The following CNTN5 variants were observed in gnomAD, a reference collection of about 807,000 sequenced individuals.
CNTN5 encodes contactin-5.
Under a neutral mutation model 129.1 loss-of-function variants are expected in CNTN5, and 77 were observed. That is an observed-to-expected ratio of 0.60 (90% CI 0.50 to 0.72). CNTN5 has a LOEUF of 0.72. CNTN5 is among the 30% of genes least tolerant of loss of function. The pLI, the probability that CNTN5 is intolerant of heterozygous loss-of-function variation, is 0.00. For missense variants in CNTN5, 1,478 were observed against 1,328.8 expected (o/e 1.11, Z -1.75); for synonymous variants, 509 against 465.6 (o/e 1.09, Z -1.20).
chr11:100,314,439 G>A (rs1951537859), intron 21 of CNTN5, among the ~76,000 whole-genome samples: 1 of 152,102 alleles, frequency 6.6e-6, no homozygotes. Flanking sequence ...CATTTCTGAA[G>A]TCATGTACAC....
intron 3 of CNTN5, among the ~76,000 whole-genome samples, chr11:99,777,172 G>A (rs891370468): frequency 2.6e-5 from 4 of 151,758 alleles, no homozygotes; most frequent in African/African-American, 9.7e-5. Context: ...ATATATTCAT[G>A]ATTTTGACAA....
intron 1 of CNTN5, among the ~76,000 whole-genome samples, chr11:99,259,039 TATG>T (rs1282940416): frequency 2.7e-5 from 4 of 148,638 alleles, no homozygotes; most frequent in African/African-American, 1.0e-4. Context: ...ATTTTCGAGT[TATG>T]ATATAACACT....
chr11:100,152,727 TTAA>T (rs1947110497), intron 13 of CNTN5, among the ~76,000 whole-genome samples: 1 of 152,166 alleles, frequency 6.6e-6, no homozygotes, highest in South Asian at 2.1e-4. Context: ...CTATTTTTAA[TTAA>T]TGTTAACTCA....
At chr11:99,125,935 T>C (rs927202320) in intron 1 of CNTN5, among the ~76,000 whole-genome samples, 1 of 152,150 alleles carries the variant, frequency 6.6e-6, no homozygotes, top group Non-Finnish European at 1.5e-5. Flanking sequence ...AGGCTCTAAT[T>C]CGTACAATTC....
At chr11:99,375,415 G>A (rs894285064) in intron 2 of CNTN5, among the ~76,000 whole-genome samples, 5 of 151,624 alleles carry the variant, frequency 3.3e-5, no homozygotes, top group Admixed American at 1.3e-4. Flanking sequence ...GAAATTATCA[G>A]GGATAGAAGA....
At chr11:99,191,494 G>T (rs1040719738) in intron 1 of CNTN5, among the ~76,000 whole-genome samples, 1 of 151,782 alleles carries the variant, frequency 6.6e-6, no homozygotes, top group Middle Eastern at 3.4e-3. Flanking sequence ...CATACACAGG[G>T]CATACCATAC....
At chr11:100,058,079 T>G (rs1943308315) in intron 9 of CNTN5, among the ~76,000 whole-genome samples, 1 of 152,112 alleles carries the variant, frequency 6.6e-6, no homozygotes, top group Non-Finnish European at 1.5e-5. Flanking sequence ...CAGCTGTGAT[T>G]AAGACTGTTT....
intron 2 of CNTN5, among the ~76,000 whole-genome samples, chr11:99,432,956 A>G (rs1943448645): frequency 1.3e-5 from 2 of 151,000 alleles, no homozygotes; most frequent in South Asian, 4.2e-4. Context: ...CAGTAGCTAG[A>G]TGGTAAATAC....
intron 2 of CNTN5, among the ~76,000 whole-genome samples, chr11:99,529,100 C>A (rs1331819166): frequency 1.3e-5 from 2 of 151,604 alleles, no homozygotes; most frequent in Non-Finnish European, 2.9e-5. Context: ...CAAACAAAAC[C>A]ACAAAAAAGA....
chr11:99,831,692 G>A (rs1947145598), intron 4 of CNTN5, among the ~76,000 whole-genome samples: 1 of 152,130 alleles, frequency 6.6e-6, no homozygotes, highest in African/African-American at 2.4e-5. Flanking sequence ...GTCATCATCA[G>A]TTGTCTTATA....
chr11:99,189,051 T>A (rs1858499292), intron 1 of CNTN5, among the ~76,000 whole-genome samples: 2 of 151,698 alleles, frequency 1.3e-5, no homozygotes, highest in Admixed American at 1.3e-4. Context: ...ATTTTTGACT[T>A]TTGTAGGTTC....
chr11:100,087,421 C>T lies in CNTN5; in HGVS notation c.1580+13127C>T, dbSNP rs79002383. Among the ~76,000 whole-genome samples, 517 of 151,708 alleles carry T rather than the reference C, an allele frequency of 3.4e-3. 1 individual carries two copies. The highest frequency in any genetic ancestry group is 0.011 in the African/African-American group (472 of 41,456). ...CAAAAAAAATAAGAACAAATGATCC[C>T]AATTGTACACAGTTATTTCACAGTA... On this transcript the variant is annotated intron_variant, in intron 13 of 24. Coordinates refer to ENST00000524871, the MANE Select transcript of CNTN5 (RefSeq NM_014361.4).
intron 3 of CNTN5, among the ~76,000 whole-genome samples, chr11:99,630,707 T>C (rs926824610): frequency 3.9e-5 from 6 of 151,988 alleles, no homozygotes; most frequent in Non-Finnish European, 5.9e-5. Context: ...GGGTATACCC[T>C]TGGGCCTCAG....
chr11:100,163,608 A>G (rs909013773), intron 13 of CNTN5, among the ~76,000 whole-genome samples: 35 of 151,666 alleles, frequency 2.3e-4, no homozygotes, highest in African/African-American at 8.5e-4. Context: ...AGGTCCTGAA[A>G]TCAATCAATC....
intron 13 of CNTN5, among the ~76,000 whole-genome samples, chr11:100,176,624 ATAGT>A (rs1439447920): frequency 1.3e-5 from 2 of 152,094 alleles, no homozygotes; most frequent in African/African-American, 4.8e-5. Flanking sequence ...GCAGTGATAA[ATAGT>A]TAGGAATCTG....
intron 16 of CNTN5, among the ~76,000 whole-genome samples, chr11:100,231,843 G>A (rs1002826260): frequency 5.9e-5 from 9 of 152,086 alleles, no homozygotes; most frequent in Admixed American, 2.0e-4. Context: ...TTTTAAAGTC[G>A]GGTGGGAATT....
intron 3 of CNTN5, among the ~76,000 whole-genome samples, chr11:99,818,262 CTT>C (rs71463595): frequency 1.4e-5 from 2 of 147,234 alleles, no homozygotes; most frequent in African/African-American, 2.5e-5. Context: ...ACAAAACTAC[CTT>C]TTTTTTTTTT....
intron 3 of CNTN5, among the ~76,000 whole-genome samples, chr11:99,763,709 A>G (rs1263453382): frequency 6.6e-6 from 1 of 152,096 alleles, no homozygotes; most frequent in Non-Finnish European, 1.5e-5. Flanking sequence ...AGCTGCTTAC[A>G]AAAAAGATTA....
chr11:99,262,505 T>G (rs61893119), intron 1 of CNTN5, among the ~76,000 whole-genome samples: 11,111 of 152,006 alleles, frequency 0.073, 626 homozygotes, highest in East Asian at 0.21. Flanking sequence ...TTATTTTGTC[T>G]ACTCTATAAT....
Sources: allele counts gnomAD v4.1 joint callset (sites outside exome capture counted in the v4.1 genomes callset), GRCh38; gene constraint gnomAD v4.1.1; transcripts MANE v1.5; gene names NCBI Gene and HGNC (gene_info 2026-07-23, HGNC 2026-07-21).